The following UBR2 variants were observed in gnomAD, a reference collection of about 807,000 sequenced individuals.
UBR2 encodes the protein ubiquitin protein ligase E3 component n-recognin 2, also known as E3 ubiquitin-protein ligase UBR2.
UBR2 carries 92 observed loss-of-function variants against 247.9 expected under a neutral mutation model. The ratio of observed to expected loss-of-function variants is 0.37; its 90% confidence interval spans 0.31 to 0.44. The LOEUF is 0.44. UBR2 is among the 20% of genes least tolerant of loss of function. The pLI is 1.00. For synonymous variants in UBR2, 672 were observed against 693.5 expected, an observed-to-expected ratio of 0.97 and a Z score of 0.49; for missense variants, 1,613 against 2,112.6, an observed-to-expected ratio of 0.76 and a Z score of 4.64.
chr6:42,621,069 G>A (rs1013660956), intron 11 of UBR2, among the ~76,000 whole-genome samples: 2 of 151,900 alleles, frequency 1.3e-5, no homozygotes, highest in Non-Finnish European at 2.9e-5. Context: ...GTGATCCACC[G>A]CACCCGGCCG....
intron 36 of UBR2, among the ~76,000 whole-genome samples, chr6:42,672,994 AC>A (rs1798532068): frequency 6.6e-6 from 1 of 152,180 alleles, no homozygotes; most frequent in Non-Finnish European, 1.5e-5. Flanking sequence ...CTTATCACAT[AC>A]CCATCTTTTT....
intron 15 of UBR2, 66 bp from the exon 16 acceptor site, chr6:42,640,143 T>C (rs1796337446): frequency 4.7e-6 from 6 of 1,273,420 alleles, no homozygotes; most frequent in South Asian, 3.8e-5. Context: ...AGTGAATATT[T>C]AGGGTATTTT....
chr6:42,605,102 T>C (rs1301674643), intron 5 of UBR2, among the ~76,000 whole-genome samples: 2 of 152,062 alleles, frequency 1.3e-5, no homozygotes, highest in Non-Finnish European at 2.9e-5. Context: ...CAGACTAGTG[T>C]CATACTAATC....
chr6:42,684,359 G>A (rs1188323112), intron 43 of UBR2, among the ~76,000 whole-genome samples: 1 of 151,676 alleles, frequency 6.6e-6, no homozygotes. Flanking sequence ...GGCAGATCAC[G>A]AGGTCAGGAG....
intron 22 of UBR2, 116 bp from the exon 23 acceptor site, chr6:42,650,166 CTT>C: frequency 1.3e-6 from 1 of 759,502 alleles, no homozygotes; most frequent in Non-Finnish European, 2.1e-6. Context: ...ATAGTTGTAG[CTT>C]AACACCCACC....
chr6:42,573,681 C>A, intron 1 of UBR2, 53 bp from the exon 2 acceptor site: 1 of 1,425,410 alleles, frequency 7.0e-7, no homozygotes, highest in Non-Finnish European at 9.2e-7. Flanking sequence ...TGAATTTGTT[C>A]AAATTAGTTT....
chr6:42,650,348 T>G lies in UBR2; in HGVS notation c.2527T>G (p.Leu843Val). The change falls in exon 23 of 47, where the codon TTG becomes GTG. Residue 843 changes from leucine to valine, a missense_variant. Coordinates refer to ENST00000372901, the MANE Select transcript of UBR2 (RefSeq NM_001363705.2). ...LKPECAKEFN[L>V]YFYHFSRAEQ... ...ACCAGAATGTGCCAAAGAGTTCAAC[T>G]TGTATTTCTATCACTTTTCAAGGGC... is the stretch of plus-strand genomic sequence containing the variant. 1 of 1,614,090 alleles carries G rather than the reference T, an allele frequency of 6.2e-7. No homozygotes were observed. The highest frequency in any genetic ancestry group is 8.5e-7 in the Non-Finnish European group (1 of 1,179,952).
intron 34 of UBR2, among the ~76,000 whole-genome samples, chr6:42,666,458 C>A (rs114081151): frequency 1.3e-3 from 196 of 152,202 alleles, no homozygotes; most frequent in African/African-American, 4.4e-3. Flanking sequence ...CCACTACATT[C>A]CAGTCTGGGT....
Position 42,639,647 on chromosome 6 carries a change from A to G in UBR2, c.1859-562A>G, listed in dbSNP as rs114722228. 2.0e-5 allele frequency among the ~76,000 whole-genome samples: 3 copies of G among 152,214 alleles called. No homozygotes were observed. The South Asian group carries it at 6.2e-4, about 32-fold the overall frequency. On this transcript the variant is annotated intron_variant, in intron 15 of 46. Coordinates refer to ENST00000372901, the MANE Select transcript of UBR2 (RefSeq NM_001363705.2). ...AGTATCAGTAAGGACCGTGAATTCC[A>G]GGGCCAGTTTTTCCGATCAGTGGCC...
intron 32 of UBR2, among the ~76,000 whole-genome samples, 194 bp from the exon 33 acceptor site, chr6:42,665,215 A>G (rs73424425): frequency 0.016 from 2,427 of 152,282 alleles, 57 homozygotes; most frequent in African/African-American, 0.055. Context: ...TGTTATTACC[A>G]TCATATTGAC....
chr6:42,654,663 A>G (rs890825547), intron 25 of UBR2, among the ~76,000 whole-genome samples: 1 of 152,226 alleles, frequency 6.6e-6, no homozygotes, highest in African/African-American at 2.4e-5. Flanking sequence ...CAGAGGTTGC[A>G]GTGAGCCAAT....
In UBR2 at chr6:42,644,520, C is replaced by A; in HGVS notation, c.2268C>A (p.Leu756=). 2 of 1,610,054 alleles carry A rather than the reference C, an allele frequency of 1.2e-6. No individual in the cohort carries two copies. The highest frequency in any genetic ancestry group is 2.2e-5 in the South Asian group (2 of 90,844). Residue 756 remains leucine (L), a synonymous_variant, in exon 20 of 47, where the codon CTC becomes CTA. Transcript: ENST00000372901. ...CTCTAATAGAAGAAATGCTATACCT[C>A]ATTATAATGCTTGTTGGTAAGTTTA... is the stretch of plus-strand genomic sequence containing the variant. The part of the protein sequence containing the change: ...NNTLIEEMLY[L]IIMLVGERFS...
At chr6:42,607,216 G>A (rs1793756057) in intron 7 of UBR2, among the ~76,000 whole-genome samples, 1 of 150,168 alleles carries the variant, frequency 6.7e-6, no homozygotes, top group Non-Finnish European at 1.5e-5. Flanking sequence ...TGCCCAGGCT[G>A]GAGTGCAGTG....
At chr6:42,601,837 A>C (rs73440620) in intron 4 of UBR2, among the ~76,000 whole-genome samples, 3,455 of 151,392 alleles carry the variant, frequency 0.023, 125 homozygotes, top group African/African-American at 0.079. Flanking sequence ...CATCTGTTTT[A>C]GGCATCTTTG....
rs1796263713 is a variant in UBR2 at position 42,638,793 on chromosome 6, C to G, written c.1859-1416C>G. On this transcript the variant is annotated intron_variant, in intron 15 of 46. Transcript: ENST00000372901. ...AGAAATTGAGTAATGAGTCCTGTCT[C>G]CAACTGAGCCACTGATCTCTTCTGC... 2.0e-5 allele frequency among the ~76,000 whole-genome samples: 3 copies of G among 151,932 alleles called. No homozygotes were observed. The South Asian group carries it at 6.3e-4, about 32-fold the overall frequency.
chr6:42,582,176 G>C (rs112447156), intron 2 of UBR2, among the ~76,000 whole-genome samples: 2 of 151,578 alleles, frequency 1.3e-5, no homozygotes, highest in Admixed American at 6.6e-5. Flanking sequence ...CCAGTTACTC[G>C]GGAGGCTGAG....
intron 2 of UBR2, among the ~76,000 whole-genome samples, chr6:42,581,647 A>G (rs1424025290): frequency 1.3e-5 from 2 of 152,224 alleles, no homozygotes; most frequent in Admixed American, 1.3e-4. Context: ...TCTTATAAAA[A>G]TGAAATTGTA....
chr6:42,570,024 A>G (rs1376490151), intron 1 of UBR2, among the ~76,000 whole-genome samples: 4 of 149,776 alleles, frequency 2.7e-5, no homozygotes, highest in Non-Finnish European at 5.9e-5. Flanking sequence ...TTAATTTTTC[A>G]TGTTGAAGAA....
Position 42,658,271 on chromosome 6 carries a change from G to T in UBR2, c.3014G>T (p.Ser1005Ile), listed in dbSNP as rs765100741. Reference protein sequence around the residue: ...TFNAVKKMRESSPTSPVAETE... With the variant: ...TFNAVKKMREISPTSPVAETE... Reference sequence around the variant, plus strand: ...AATGCTGTTAAAAAGATGAGGGAGAGTTCACCTACCAGTCCCGTGGCAGAG... The same window carrying T: ...AATGCTGTTAAAAAGATGAGGGAGATTTCACCTACCAGTCCCGTGGCAGAG... Residue 1005 changes from serine (S) to isoleucine (I), a missense_variant, in exon 28 of 47, where the codon AGT (serine) becomes ATT (isoleucine). This residue lies in a region of UBR2 where 1,524 missense variants were observed against 1,967.3 expected (regional missense o/e 0.77). Coordinates refer to ENST00000372901, the MANE Select transcript of UBR2 (RefSeq NM_001363705.2). 1 of 1,612,720 alleles carries T rather than the reference G, an allele frequency of 6.2e-7. No individual in the cohort carries two copies. Among genetic ancestry groups the T allele is most frequent in the Non-Finnish European group, 8.5e-7 (1 of 1,179,464 alleles).
Sources: gnomAD v4.1 joint callset for allele counts (sites outside exome capture counted in the v4.1 genomes callset) on GRCh38, gnomAD v4.1.1 for gene constraint, gnomAD v4.1.1 regional missense constraint, MANE v1.5 for transcripts, NCBI Gene and HGNC (gene_info 2026-07-23, HGNC 2026-07-21) for gene names.